THEM4: variants seen among roughly 807,000 people sequenced by gnomAD.
The protein encoded by THEM4 is thioesterase superfamily member 4.
Under a neutral mutation model 25.0 loss-of-function variants are expected in THEM4, and 22 were observed. The ratio of observed to expected loss-of-function variants is 0.88; its 90% CI spans 0.63 to 1.26. The LOEUF (loss-of-function observed/expected upper bound fraction) is 1.26, where lower values mean the gene tolerates loss of function less well. Among genes scored for constraint, THEM4 ranks in the 50% most tolerant of loss-of-function variants. The probability of loss-of-function intolerance (pLI) is 0.00; values close to 1 mark genes in which losing one functional copy is unlikely to be tolerated. For missense variants in THEM4, 286 were observed against 300.3 expected (o/e 0.95, Z 0.35); for synonymous variants, 113 against 105.6 (o/e 1.07, Z -0.43).
intron 1 of THEM4, among the ~76,000 whole-genome samples, chr1:151,899,170 A>G (rs1654290297): frequency 6.6e-6 from 1 of 152,200 alleles, no homozygotes; most frequent in South Asian, 2.1e-4. Context: ...GCAAAGCCCA[A>G]TGCAAGGAAA....
At chr1:151,899,679 A>G (rs1054853905) in intron 1 of THEM4, among the ~76,000 whole-genome samples, 2 of 152,220 alleles carry the variant, frequency 1.3e-5, no homozygotes, top group Admixed American at 1.3e-4. Context: ...AAACCTAAGA[A>G]TAATTGGTCT....
rs905217520 is a variant in THEM4 at position 151,907,978 on chromosome 1, G to GGCTA, written c.99+1381_99+1382insTAGC. Among the ~76,000 whole-genome samples the GGCTA allele has an allele frequency of 2.0e-5, 3 of 152,176 alleles. 1 individual carries two copies. Among genetic ancestry groups the GGCTA allele is most frequent in the African/African-American group, 7.2e-5 (3 of 41,446 alleles). On this transcript the variant is annotated intron_variant, in intron 1 of 5. Transcript: ENST00000368814. ...CTCCAAGGCGCCGGCATGGCTGGCT[G>GGCTA]GCGTTCCCTACCAGGTGCCTGCAGT...
At chr1:151,898,439 C>G (rs1398328418) in intron 1 of THEM4, among the ~76,000 whole-genome samples, 1 of 152,158 alleles carries the variant, frequency 6.6e-6, no homozygotes, top group Admixed American at 6.5e-5. Flanking sequence ...CAAGATCCCC[C>G]CAAGGAGAGT....
chr1:151,889,330 G>A lies in THEM4; in HGVS notation c.330C>T (p.Leu110=), dbSNP rs763627984. ...MKEEQMSQAQ[L]FTRSFDDGLG... is the part of the protein sequence containing the mutation. ...GGCCATCATCAAAGCTTCTGGTGAA[G>A]AGCTGGGCCTGTGACATTTGTTCTT... The change falls in exon 3 of 6, where the codon CTC becomes CTT. Residue 110 remains leucine (L), a synonymous_variant. Coordinates refer to ENST00000368814, the MANE Select transcript of THEM4 (RefSeq NM_053055.5). 3.7e-6 allele frequency: 6 copies of A among 1,614,110 alleles called. No individual in the cohort carries two copies. The East Asian group carries it at 1.1e-4, about 30-fold the overall frequency.
intron 2 of THEM4, 127 bp downstream of exon 2, chr1:151,894,881 G>A: frequency 9.6e-7 from 1 of 1,040,878 alleles, no homozygotes. Context: ...CTATAAAATT[G>A]GTGACTATAG....
rs553970824 is a variant in THEM4, at chr1:151,894,723, G to A, written c.286+285C>T. Reference sequence around the variant, plus strand: ...TTAGATGACAGCCTCAAGACGGAGAGGTGATGAGGTTGTAGGAGGGTGGAA... The same window carrying A: ...TTAGATGACAGCCTCAAGACGGAGAAGTGATGAGGTTGTAGGAGGGTGGAA... On this transcript the variant is annotated intron_variant, in intron 2 of 5. Coordinates refer to ENST00000368814, the MANE Select transcript of THEM4 (RefSeq NM_053055.5). The A allele has an allele frequency of 3.5e-5, 20 of 571,808 alleles. No homozygotes were observed. The East Asian group carries it at 3.5e-4, about 10-fold the overall frequency. The allele number at this position is 571,808 out of a possible 1,614,324, so 35.4% of individuals were successfully genotyped here. A position where few individuals can be genotyped will look rare whatever the true frequency, so the allele number is the denominator to read the frequency against.
At chr1:151,897,180 A>C (rs559210640) in intron 1 of THEM4, among the ~76,000 whole-genome samples, 33 of 152,354 alleles carry the variant, frequency 2.2e-4, no homozygotes, top group African/African-American at 7.9e-4. Flanking sequence ...AACATGTAGG[A>C]TCACAGAAGC....
intron 3 of THEM4, among the ~76,000 whole-genome samples, chr1:151,888,894 G>A (rs201791837): frequency 6.6e-5 from 10 of 151,878 alleles, no homozygotes; most frequent in South Asian, 4.2e-4. Flanking sequence ...TGAAAAAAAA[G>A]AAAAAAATTT....
At chr1:151,889,871 C>T (rs1654053020) in intron 2 of THEM4, 1 of 153,094 alleles carries the variant, frequency 6.5e-6, no homozygotes. Flanking sequence ...CATTAGGGTT[C>T]ATGAAATCAG....
At chr1:151,879,647 T>C (rs1182395282) in intron 4 of THEM4, among the ~76,000 whole-genome samples, 1 of 150,780 alleles carries the variant, frequency 6.6e-6, no homozygotes, top group Non-Finnish European at 1.5e-5. Flanking sequence ...TTTTCTTTCT[T>C]TCTTTTCTTT....
intron 4 of THEM4, 64 bp downstream of exon 4, chr1:151,888,209 A>T (rs1347985520): frequency 7.7e-7 from 1 of 1,303,520 alleles, no homozygotes; most frequent in African/African-American, 1.5e-5. Context: ...TGGTGTCAAG[A>T]TCTGCAACTG....
chr1:151,879,824 GT>G (rs200781869), intron 4 of THEM4, among the ~76,000 whole-genome samples: 3,726 of 151,176 alleles, frequency 0.025, 48 homozygotes, highest in African/African-American at 0.029. Flanking sequence ...GCCCAGCTAA[GT>G]TTTTGTATTT....
At chr1:151,883,175 TG>T (rs1224414752) in intron 4 of THEM4, among the ~76,000 whole-genome samples, 4 of 151,894 alleles carry the variant, frequency 2.6e-5, no homozygotes, top group African/African-American at 9.7e-5. Context: ...TGGAGTGCAC[TG>T]GCGCAATCTC....
In THEM4 at chr1:151,888,292, G is replaced by T. The variant is rs1465769858; in HGVS notation, c.538C>A (p.Leu180Ile). 1 of 1,613,008 alleles carries T rather than the reference G, an allele frequency of 6.2e-7. No homozygotes were observed. The highest frequency in any genetic ancestry group is 2.2e-5 in the East Asian group (1 of 44,854). Residue 180 changes from leucine (L) to isoleucine (I), a missense_variant, in exon 4 of 6, where the codon CTC becomes ATC. Coordinates refer to ENST00000368814, the MANE Select transcript of THEM4 (RefSeq NM_053055.5). ...ATTTACCTTTTATAATTGATGTTGAGATTGGCAGTCATGACGATTCCCCCA... is the reference window on the plus strand; with the variant it reads ...ATTTACCTTTTATAATTGATGTTGATATTGGCAGTCATGACGATTCCCCCA... Reference protein sequence around the residue: ...MAGGIVMTANLNINYKRPIPL... With the variant: ...MAGGIVMTANININYKRPIPL...
At chr1:151,893,887 T>A (rs1654153289) in intron 2 of THEM4, among the ~76,000 whole-genome samples, 1 of 151,428 alleles carries the variant, frequency 6.6e-6, no homozygotes, top group African/African-American at 2.4e-5. Context: ...GGGGAGACAG[T>A]CTCACTCTGT....
intron 1 of THEM4, among the ~76,000 whole-genome samples, chr1:151,906,441 G>A (rs1004595235): frequency 2.0e-5 from 3 of 152,244 alleles, no homozygotes; most frequent in South Asian, 2.1e-4. Flanking sequence ...GCTCCTGCAC[G>A]GCCCGAGCCT....
chr1:151,885,912 A>G (rs1653957583), intron 4 of THEM4, among the ~76,000 whole-genome samples: 1 of 152,250 alleles, frequency 6.6e-6, no homozygotes, highest in African/African-American at 2.4e-5. Flanking sequence ...CAATTAAAAT[A>G]TAATCCCAGG....
Position 151,874,928 on chromosome 1 carries a change from C to G in THEM4, c.683G>C (p.Ser228Thr). ...DEKTLYSEAT[S>T]LFIKLNPAKS... ...AGCAGGATTCAGCTTTATAAATAAG[C>G]CTAAACAAACAAAATAACAGCAGAT... is the stretch of plus-strand genomic sequence containing the variant. The change falls in exon 6 of 6, where the codon AGC (serine) becomes ACC (threonine). Residue 228 changes from serine to threonine, a missense_variant and splice_region_variant. Transcript: ENST00000368814. The G allele has an allele frequency of 6.2e-7, 1 of 1,612,834 alleles. No homozygotes were observed. The highest frequency in any genetic ancestry group is 8.5e-7 in the Non-Finnish European group (1 of 1,178,900).
At chr1:151,893,455 G>C (rs1654141606) in intron 2 of THEM4, among the ~76,000 whole-genome samples, 2 of 151,588 alleles carry the variant, frequency 1.3e-5, no homozygotes, top group African/African-American at 2.4e-5. Flanking sequence ...ACTGGGAAGA[G>C]AGAAATGCAG....
Sources: allele counts gnomAD v4.1 joint callset (sites outside exome capture counted in the v4.1 genomes callset), GRCh38; gene constraint gnomAD v4.1.1; transcripts MANE v1.5; gene names NCBI Gene and HGNC (gene_info 2026-07-23, HGNC 2026-07-21).